The following JARID2 variants were observed in gnomAD, a reference collection of about 807,000 sequenced individuals.
JARID2 encodes jumonji and AT-rich interaction domain containing 2.
Under a neutral mutation model 125.6 loss-of-function variants are expected in JARID2, and 21 were observed. That is an observed-to-expected ratio of 0.17 (90% CI 0.12 to 0.24). The LOEUF is 0.24. JARID2 is among the 10% of genes least tolerant of loss of function. JARID2 has a pLI of 1.00. For synonymous variants in JARID2, 736 were observed against 661.6 expected, an observed-to-expected ratio of 1.11 and a Z score of -1.73; for missense variants, 1,303 against 1,639.6, an observed-to-expected ratio of 0.79 and a Z score of 3.55.
At chr6:15,468,890 G>C (rs570446146) in intron 5 of JARID2, among the ~76,000 whole-genome samples, 172 bp downstream of exon 5, 1 of 152,270 alleles carries the variant, frequency 6.6e-6, no homozygotes, top group South Asian at 2.1e-4. Flanking sequence ...GTGTAGTCCA[G>C]GGTGTTCTAG....
At position 15,521,201 on chromosome 6, in the gene JARID2, C is replaced by T. The variant is rs1771831687; in HGVS notation, c.*950C>T. On this transcript the variant is annotated 3_prime_UTR_variant, in exon 18 of 18. Transcript: ENST00000341776. ...CTTGTTTGACACCTTCACAAGTCAG[C>T]ATTAATCTTTCTTTTAAAACTTGTT... 1 of 153,894 alleles carries T rather than the reference C, an allele frequency of 6.5e-6. No individual in the cohort carries two copies. The highest frequency in any genetic ancestry group is 6.5e-5 in the Admixed American group (1 of 15,420). The allele number at this position is 153,894 out of a possible 1,614,324, so 9.5% of individuals were successfully genotyped here. A position where few individuals can be genotyped will look rare whatever the true frequency, so the allele number is the denominator to read the frequency against.
intron 1 of JARID2, among the ~76,000 whole-genome samples, chr6:15,256,711 G>A (rs901439816): frequency 1.3e-5 from 2 of 152,184 alleles, no homozygotes; most frequent in Admixed American, 6.5e-5. Context: ...TGTTCACCCC[G>A]TCTGGCAGAG....
intron 4 of JARID2, among the ~76,000 whole-genome samples, chr6:15,455,956 C>T (rs866040415): frequency 2.2e-4 from 33 of 152,340 alleles, no homozygotes; most frequent in Middle Eastern, 3.4e-3. Flanking sequence ...TCTGCCTCCA[C>T]CAGTCCACCA....
Position 15,300,710 on chromosome 6 carries a change from TG to T in JARID2, c.45+54127del, listed in dbSNP as rs1328167184. On this transcript the variant is annotated intron_variant, in intron 1 of 17. Coordinates refer to ENST00000341776, the MANE Select transcript of JARID2 (RefSeq NM_004973.4). ...GTGTGTGTGTGTGTGTGTGTGTGTG[TG>T]TGTGTGTGTGTGAGAGAGAGAGAGA... Among the ~76,000 whole-genome samples, 711 of 141,148 alleles carry T rather than the reference TG, an allele frequency of 5.0e-3. 6 individuals are homozygous for T. Among genetic ancestry groups the T allele is most frequent in the African/African-American group, 0.018 (658 of 36,164 alleles). The allele number at this position is 141,148 out of a possible 152,430, so 92.6% of individuals were successfully genotyped here. A position where few individuals can be genotyped will look rare whatever the true frequency, so the allele number is the denominator to read the frequency against.
intron 1 of JARID2, among the ~76,000 whole-genome samples, chr6:15,278,819 A>G (rs1760640291): frequency 6.6e-6 from 1 of 152,192 alleles, no homozygotes; most frequent in Non-Finnish European, 1.5e-5. Context: ...GTGTAATCCC[A>G]GCACTTTGAG....
At chr6:15,319,111 T>G (rs1040063700) in intron 1 of JARID2, among the ~76,000 whole-genome samples, 18 of 152,228 alleles carry the variant, frequency 1.2e-4, no homozygotes, top group Admixed American at 5.9e-4. Context: ...TATGGCTTAT[T>G]CACTTTCTTG....
chr6:15,392,349 T>G (rs966503235), intron 2 of JARID2, among the ~76,000 whole-genome samples: 10 of 152,184 alleles, frequency 6.6e-5, no homozygotes, highest in African/African-American at 2.4e-4. Flanking sequence ...CTAGACTGAT[T>G]ACCACCTCGA....
chr6:15,321,513 A>C (rs1228850543), intron 1 of JARID2, among the ~76,000 whole-genome samples: 3 of 152,164 alleles, frequency 2.0e-5, no homozygotes, highest in Non-Finnish European at 2.9e-5. Context: ...CTGTTTCTTA[A>C]ATGTGGGTGG....
At chr6:15,512,498 T>G in intron 14 of JARID2, 108 bp downstream of exon 14, 5 of 1,030,824 alleles carry the variant, frequency 4.9e-6, no homozygotes, top group Non-Finnish European at 7.3e-6. Flanking sequence ...TTGTCAATAG[T>G]TCCTTTTGGA....
Position 15,496,593 on chromosome 6 carries a change from C to T in JARID2, c.1368C>T (p.Pro456=), listed in dbSNP as rs1217451338. The change falls in exon 7 of 18, where the codon CCC becomes CCT. Residue 456 remains proline (P), a synonymous_variant. Coordinates refer to ENST00000341776, the MANE Select transcript of JARID2 (RefSeq NM_004973.4). ...ACCAGGCGGAGAAGCCGCAGTCGCC[C>T]CCCAAGAAGATGAAAGGGGCGGCTG... The part of the protein sequence containing the change: ...EAHQAEKPQS[P]PKKMKGAAGP... 2 of 1,602,890 alleles carry T rather than the reference C, an allele frequency of 1.2e-6. No homozygotes were observed.
chr6:15,496,149 A>C lies in JARID2; in HGVS notation c.924A>C (p.Gly308=). 1 of 1,612,352 alleles carries C rather than the reference A, an allele frequency of 6.2e-7. No homozygotes were observed. The highest frequency in any genetic ancestry group is 8.5e-7 in the Non-Finnish European group (1 of 1,178,748). ...DLRKQVSKVN[G]VTRMSSLGAG... The stretch of plus-strand genomic sequence containing the variant: ...CTCCACAGGTTTCTAAGGTAAACGG[A>C]GTCACTCGAATGTCATCTCTGGGTG... The change falls in exon 7 of 18, where the codon GGA becomes GGC. Residue 308 remains glycine, a synonymous_variant. Coordinates refer to ENST00000341776, the MANE Select transcript of JARID2 (RefSeq NM_004973.4).
chr6:15,335,108 T>G lies in JARID2; in HGVS notation c.46-39009T>G, dbSNP rs1298620649. On this transcript the variant is annotated intron_variant, in intron 1 of 17. Transcript: ENST00000341776. ...CCTCTTTTTTTTTCTTTTTTCCTCC[T>G]TCTTCTTTCCAGAGACAGTCTTGCT... 2.6e-5 allele frequency among the ~76,000 whole-genome samples: 4 copies of G among 152,058 alleles called. No homozygotes were observed. The East Asian group carries it at 5.8e-4, about 22-fold the overall frequency.
chr6:15,415,023 A>G (rs6905116), intron 3 of JARID2, among the ~76,000 whole-genome samples: 4,701 of 152,274 alleles, frequency 0.031, 236 homozygotes, highest in African/African-American at 0.11. Flanking sequence ...ACTCTTAACG[A>G]GCATGCTGCC....
rs761936504 is a variant in JARID2 at position 15,433,894 on chromosome 6, GTT to G, written c.324-18108_324-18107del. ...TTTTAAATTCTTTTAGGCCCTAAGAGTTTTTCCAGTAGCCCTCACTCTCCAGG... is the reference window on the plus strand; with the variant it reads ...TTTTAAATTCTTTTAGGCCCTAAGAGTTTCCAGTAGCCCTCACTCTCCAGG... On this transcript the variant is annotated intron_variant, in intron 3 of 17. Transcript: ENST00000341776. Among the ~76,000 whole-genome samples the G allele has an allele frequency of 2.3e-3, 350 of 150,034 alleles. 1 individual carries two copies. The highest frequency in any genetic ancestry group is 3.9e-3 in the Non-Finnish European group (262 of 67,666).
chr6:15,250,447 G>A (rs1468919047), intron 1 of JARID2, among the ~76,000 whole-genome samples: 2 of 152,016 alleles, frequency 1.3e-5, no homozygotes, highest in African/African-American at 4.8e-5. Context: ...GGATGTTTAC[G>A]TGGCTTTTCA....
Position 15,496,679 on chromosome 6 carries a change from T to G in JARID2, c.1454T>G (p.Val485Gly). ...GAGAGAGGTCTGCTGAACGGACACG[T>G]GAAGAAGGAAGTGCCGGAGCGCAGT... Reference protein sequence around the residue: ...PAERGLLNGHVKKEVPERSLE... With the variant: ...PAERGLLNGHGKKEVPERSLE... The change falls in exon 7 of 18, where the codon GTG (valine) becomes GGG (glycine). Residue 485 changes from valine (V) to glycine (G), a missense_variant. By Grantham distance (109) the Val-to-Gly change is moderately radical. Transcript: ENST00000341776. The G allele has an allele frequency of 6.2e-7, 1 of 1,612,660 alleles. No homozygotes were observed. The highest frequency in any genetic ancestry group is 1.3e-5 in the African/African-American group (1 of 74,874).
chr6:15,288,580 A>AT (rs1299891762), intron 1 of JARID2, among the ~76,000 whole-genome samples: 3 of 152,106 alleles, frequency 2.0e-5, no homozygotes, highest in Non-Finnish European at 2.9e-5. Context: ...CAAGGGTGGG[A>AT]TTTTATATGT....
At chr6:15,495,296 C>T (rs575250019) in intron 6 of JARID2, among the ~76,000 whole-genome samples, 85 of 152,212 alleles carry the variant, frequency 5.6e-4, no homozygotes, top group Non-Finnish European at 9.7e-4. Flanking sequence ...TCTCTGTTTG[C>T]CCAGGTCCCA....
chr6:15,376,997 G>T (rs1764380579), intron 2 of JARID2, among the ~76,000 whole-genome samples: 1 of 152,142 alleles, frequency 6.6e-6, no homozygotes, highest in Non-Finnish European at 1.5e-5. Context: ...GTGTATATAT[G>T]CGTGTATGTA....
Sources: gnomAD v4.1 joint callset for allele counts (sites outside exome capture counted in the v4.1 genomes callset) on GRCh38, gnomAD v4.1.1 for gene constraint, MANE v1.5 for transcripts, NCBI Gene and HGNC (gene_info 2026-07-23, HGNC 2026-07-21) for gene names.